Variants in FBXL13 observed in about 807,000 individuals in gnomAD.
FBXL13 encodes the protein F-box and leucine-rich repeat protein 13.
Under a neutral mutation model 83.6 loss-of-function variants are expected in FBXL13, and 67 were observed. The observed-to-expected ratio is 0.80, with a 90% confidence interval of 0.66 to 0.98. FBXL13 has a LOEUF of 0.98. Among genes scored for constraint, FBXL13 ranks in the 50% least tolerant of loss-of-function variants. The pLI is 0.00. For missense variants in FBXL13, 822 were observed against 866.5 expected (o/e 0.95, Z 0.64); for synonymous variants, 272 against 299.5 (o/e 0.91, Z 0.95).
At chr7:102,958,367 C>T (rs938681202) in intron 8 of FBXL13, among the ~76,000 whole-genome samples, 15 of 151,190 alleles carry the variant, frequency 9.9e-5, no homozygotes, top group African/African-American at 3.7e-4. Context: ...CGGGGAACAT[C>T]ACACAGTGGG....
At chr7:102,939,137 G>C (rs187936570) in intron 8 of FBXL13, among the ~76,000 whole-genome samples, 39 of 152,266 alleles carry the variant, frequency 2.6e-4, no homozygotes, top group African/African-American at 8.4e-4. Context: ...CTAGAACCTA[G>C]GAGGTTCTGA....
chr7:102,826,745 ATATATATATATATATATATATATATATG>A (rs1584463415), intron 18 of FBXL13, among the ~76,000 whole-genome samples: 2 of 68,862 alleles, frequency 2.9e-5, no homozygotes, highest in Middle Eastern at 5.2e-3. Flanking sequence ...ATATATATAT[ATATATATATATATATATATATATATATG>A]TATATATATC....
chr7:102,927,986 C>T (rs1338596697), intron 9 of FBXL13, among the ~76,000 whole-genome samples: 4 of 152,198 alleles, frequency 2.6e-5, no homozygotes, highest in Non-Finnish European at 4.4e-5. Flanking sequence ...AAAGAGCTCA[C>T]TTAAACACCC....
intron 10 of FBXL13, among the ~76,000 whole-genome samples, chr7:102,921,616 G>T (rs1444882113): frequency 6.6e-6 from 1 of 151,994 alleles, no homozygotes; most frequent in African/African-American, 2.4e-5. Context: ...GGAGGCGGAG[G>T]CTATGGTGAG....
At chr7:103,027,501 G>A in exon 5 of FBXL13, 1 of 1,612,914 alleles carries the variant, frequency 6.2e-7, no homozygotes, top group East Asian at 2.2e-5. Flanking sequence ...CCGCCATTTT[G>A]TTAGGATAAT....
intron 16 of FBXL13, among the ~76,000 whole-genome samples, chr7:102,855,423 G>A (rs1208033146): frequency 6.6e-6 from 1 of 152,022 alleles, no homozygotes; most frequent in East Asian, 1.9e-4. Flanking sequence ...AAAAGAGATT[G>A]CACTTTCAGC....
At chr7:103,060,044 ATAT>A (rs1563286493) in intron 1 of FBXL13, among the ~76,000 whole-genome samples, 1 of 100,772 alleles carries the variant, frequency 9.9e-6, no homozygotes, top group African/African-American at 4.3e-5. Flanking sequence ...ATATATATAT[ATAT>A]ATATATATAT....
chr7:102,919,199 C>T (rs546272190), intron 10 of FBXL13, among the ~76,000 whole-genome samples: 46 of 152,324 alleles, frequency 3.0e-4, no homozygotes, highest in South Asian at 2.1e-3. Context: ...GGAATTGGTG[C>T]TTCTCCTCAC....
At chr7:103,037,125 C>G (rs181429346) in intron 2 of FBXL13, among the ~76,000 whole-genome samples, 2 of 152,342 alleles carry the variant, frequency 1.3e-5, no homozygotes, top group East Asian at 3.9e-4. Flanking sequence ...CAACATGAAT[C>G]TAGTTCATAT....
chr7:103,071,995 CA>C (rs1266692075), intron 1 of FBXL13, among the ~76,000 whole-genome samples: 1 of 151,896 alleles, frequency 6.6e-6, no homozygotes, highest in Non-Finnish European at 1.5e-5. Flanking sequence ...CCGGCCTGAC[CA>C]ACATGGTGAA....
chr7:102,873,430 A>T (rs1247636084), intron 16 of FBXL13, among the ~76,000 whole-genome samples: 1 of 151,996 alleles, frequency 6.6e-6, no homozygotes, highest in Non-Finnish European at 1.5e-5. Context: ...GCTCTATCTC[A>T]TTGTTTCTTC....
intron 17 of FBXL13, among the ~76,000 whole-genome samples, chr7:102,843,086 T>A (rs1287788904): frequency 2.6e-5 from 4 of 152,156 alleles, no homozygotes; most frequent in Non-Finnish European, 4.4e-5. Context: ...AAATCGAAAG[T>A]TTATAATCTA....
In FBXL13 at chr7:102,896,404, T is replaced by C. The variant is rs185189884; in HGVS notation, c.1009-12092A>G. 2.6e-5 allele frequency among the ~76,000 whole-genome samples: 4 copies of C among 152,248 alleles called. No homozygotes were observed. The East Asian group carries it at 7.7e-4, about 29-fold the overall frequency. On this transcript the variant is annotated intron_variant, in intron 11 of 19. Transcript: ENST00000313221. The stretch of plus-strand genomic sequence containing the variant: ...GGGGTGGTGGCTGTGGAGATGGTGG[T>C]TGGATCCTGATTAGATTCTGCAGGA...
intron 1 of FBXL13, among the ~76,000 whole-genome samples, chr7:103,058,697 TA>T (rs1181229159): frequency 6.6e-6 from 1 of 152,218 alleles, no homozygotes; most frequent in Admixed American, 6.5e-5. Flanking sequence ...TGCATTTTAC[TA>T]AGCTCCCCAG....
chr7:102,822,203 T>C (rs771473367), exon 19 of FBXL13: 1 of 1,614,058 alleles, frequency 6.2e-7, no homozygotes, highest in South Asian at 1.1e-5. Context: ...GAGTCAGTAA[T>C]CTGAACACAG....
intron 11 of FBXL13, among the ~76,000 whole-genome samples, chr7:102,893,982 GAGGAAAGAAAGAAAGAGGAAAGA>G (rs200999159): frequency 1.8e-5 from 2 of 111,898 alleles, no homozygotes; most frequent in Admixed American, 1.8e-4. Context: ...AAGAAAGAAA[GAGGAAAGAAAGAAAGAGGAAAGA>G]AAAGAAAGAG....
chr7:103,017,101 C>T lies in FBXL13; in HGVS notation c.495+7962G>A, dbSNP rs556402753. On this transcript the variant is annotated intron_variant, in intron 6 of 19. Coordinates refer to ENST00000313221, the Ensembl canonical transcript of FBXL13. ...AGTAGAGGCAGACTGACACTTCACA[C>T]GGCTGGGTACCCCTCTGAGACGAAG... 3.0e-4 allele frequency among the ~76,000 whole-genome samples: 45 copies of T among 152,262 alleles called. No individual in the cohort carries two copies. In the East Asian group the frequency reaches 7.4e-3, roughly 25 times the overall value.
At position 102,944,669 on chromosome 7, in the gene FBXL13, T is replaced by C. The variant is rs1585072016; in HGVS notation, c.725-12736A>G. On this transcript the variant is annotated intron_variant, in intron 8 of 19. Coordinates refer to ENST00000313221, the Ensembl canonical transcript of FBXL13. ...TTCTATACTGGTGTTAGAAAACATA[T>C]GTTTACATTTGATTAACTGTGTTGC... The C allele has an allele frequency of 5.7e-6, 8 of 1,410,254 alleles. No individual in the cohort carries two copies. The Admixed American group carries it at 6.9e-5, about 12-fold the overall frequency. 87.4% of individuals were successfully genotyped at this position (1,410,254 alleles called of 1,614,324 possible). A position where few individuals can be genotyped will look rare whatever the true frequency, so the allele number is the denominator to read the frequency against.
intron 11 of FBXL13, among the ~76,000 whole-genome samples, chr7:102,909,807 G>A (rs1814353830): frequency 6.6e-6 from 1 of 152,170 alleles, no homozygotes; most frequent in African/African-American, 2.4e-5. Flanking sequence ...TCTCCTCAAG[G>A]GAAAGGAAGG....
Sources: allele counts gnomAD v4.1 joint callset (sites outside exome capture counted in the v4.1 genomes callset), GRCh38; gene constraint gnomAD v4.1.1; transcripts MANE v1.5; gene names NCBI Gene and HGNC (gene_info 2026-07-23, HGNC 2026-07-21).